The following ETV1 variants were observed in gnomAD, a reference collection of about 807,000 sequenced individuals.
The protein encoded by ETV1 is ETS translocation variant 1.
In ETV1, 27 loss-of-function variants were observed where a neutral mutation model predicts 62.3. The ratio of observed to expected loss-of-function variants is 0.43; its 90% CI spans 0.32 to 0.60. The LOEUF (loss-of-function observed/expected upper bound fraction) is 0.60. Among genes scored for constraint, ETV1 ranks in the 20% least tolerant of loss-of-function variants. ETV1 has a pLI of 0.06. For missense variants in ETV1, 605 were observed against 605.8 expected (o/e 1.00, Z 0.01); for synonymous variants, 222 against 199.6 (o/e 1.11, Z -0.94).
At chr7:13,935,683 T>C (rs149475829) in intron 8 of ETV1, 25 bp downstream of exon 8, 1,251 of 1,599,460 alleles carry the variant, frequency 7.8e-4, no homozygotes, top group Non-Finnish European at 9.8e-4. Flanking sequence ...AAACAGTTTC[T>C]AGAAAACTGG....
rs1378421503 is a variant in ETV1 at position 13,893,853 on chromosome 7, G to T, written c.*2013C>A. On this transcript the variant is annotated 3_prime_UTR_variant, in exon 14 of 14. Transcript: ENST00000430479. ...GGGAGAAAAGGTTCTGATTTTTAAG[G>T]CATAGTTTTCTTTTTTAGGCCCAAA... 1 of 233,064 alleles carries T rather than the reference G, an allele frequency of 4.3e-6. No homozygotes were observed. Among genetic ancestry groups the T allele is most frequent in the East Asian group, 6.1e-5 (1 of 16,444 alleles). The allele number at this position is 233,064 out of a possible 1,614,324, so 14.4% of individuals were successfully genotyped here. A position where few individuals can be genotyped will look rare whatever the true frequency, so the allele number is the denominator to read the frequency against.
Position 13,943,662 on chromosome 7 carries a change from A to G in ETV1, c.236-4416T>C, listed in dbSNP as rs367591820. 4.6e-5 allele frequency among the ~76,000 whole-genome samples: 7 copies of G among 152,338 alleles called. No individual in the cohort carries two copies. In the East Asian group the frequency reaches 1.2e-3, roughly 25 times the overall value. The stretch of plus-strand genomic sequence containing the variant: ...GATAAATAAATCATGGCATATGCAT[A>G]CAATGGAATGAATACAGGAATAAAA... On this transcript the variant is annotated intron_variant, in intron 6 of 13. Transcript: ENST00000430479.
chr7:13,920,937 A>G (rs1483873879), intron 9 of ETV1, among the ~76,000 whole-genome samples: 1 of 152,232 alleles, frequency 6.6e-6, no homozygotes, highest in Non-Finnish European at 1.5e-5. Flanking sequence ...TTAGGAAGAC[A>G]TCACTGTCAC....
At position 13,977,451 on chromosome 7, in the gene ETV1, C is replaced by A. The variant is rs1403337828; in HGVS notation, c.211G>T (p.Val71Leu). The A allele has an allele frequency of 1.3e-6, 2 of 1,547,464 alleles. No homozygotes were observed. The change falls in exon 6 of 14, where the codon GTA becomes TTA. Residue 71 changes from valine to leucine, a missense_variant. Coordinates refer to ENST00000430479, the MANE Select transcript of ETV1 (RefSeq NM_004956.5). ...CAACTTTCAGCCTGATAGTCTGGTA[C>A]AAACTGCTCATCATTGTCAGGTACC... ...AQVPDNDEQF[V>L]PDYQAESLAF... is the part of the protein sequence containing the mutation.
chr7:13,918,247 T>C (rs1784413334), intron 9 of ETV1, among the ~76,000 whole-genome samples: 1 of 152,150 alleles, frequency 6.6e-6, no homozygotes, highest in South Asian at 2.1e-4. Context: ...TACCCAGTAA[T>C]GGGATGGCTG....
intron 9 of ETV1, among the ~76,000 whole-genome samples, chr7:13,919,810 A>G (rs1203794243): frequency 6.6e-6 from 1 of 152,138 alleles, no homozygotes; most frequent in Non-Finnish European, 1.5e-5. Context: ...TTAGTTATGT[A>G]AACACTTTAA....
intron 3 of ETV1, 176 bp from the exon 4 acceptor site, chr7:13,988,349 G>A (rs1782740975): frequency 3.4e-6 from 2 of 588,258 alleles, no homozygotes; most frequent in Admixed American, 6.7e-5. Context: ...TCACTTATTT[G>A]ACAGTGAAAG....
At chr7:13,982,670 T>C (rs951859494) in intron 5 of ETV1, among the ~76,000 whole-genome samples, 1 of 152,038 alleles carries the variant, frequency 6.6e-6, no homozygotes, top group African/African-American at 2.4e-5. Context: ...TATAAGAGAT[T>C]ATATGGAGTT....
At position 13,942,176 on chromosome 7, in the gene ETV1, A is replaced by G. The variant is rs191356348; in HGVS notation, c.236-2930T>C. Among the ~76,000 whole-genome samples the G allele has an allele frequency of 9.1e-3, 1,380 of 151,774 alleles. 15 individuals carry two copies. The highest frequency in any genetic ancestry group is 0.031 in the African/African-American group (1,291 of 41,424). On this transcript the variant is annotated intron_variant, in intron 6 of 13. Coordinates refer to ENST00000430479, the MANE Select transcript of ETV1 (RefSeq NM_004956.5). ...GTAGCTGGGACTACAGGCGCCCGCCACCACGCCCGGCTAACTTTTTGGATT... is the reference window on the plus strand; with the variant it reads ...GTAGCTGGGACTACAGGCGCCCGCCGCCACGCCCGGCTAACTTTTTGGATT...
At position 13,941,258 on chromosome 7, in the gene ETV1, G is replaced by C. The variant is rs554586697; in HGVS notation, c.236-2012C>G. Among the ~76,000 whole-genome samples the C allele has an allele frequency of 7.2e-5, 11 of 152,272 alleles. No individual in the cohort carries two copies. The South Asian group carries it at 1.4e-3, about 20-fold the overall frequency. ...CAACTCTGCAATAAATGACATTTTA[G>C]TATAGACTAGCTATTAGATAATTTA... is the stretch of plus-strand genomic sequence containing the variant. On this transcript the variant is annotated intron_variant, in intron 6 of 13. Coordinates refer to ENST00000430479, the MANE Select transcript of ETV1 (RefSeq NM_004956.5).
At position 13,892,544 on chromosome 7, in the gene ETV1, A is replaced by T; in HGVS notation, c.*3322T>A. ...TCCTCCTCCGTGCGGTGTTCTGAAT[A>T]ACAGCCCTGCCCTCACCCCTTACAT... On this transcript the variant is annotated 3_prime_UTR_variant, in exon 14 of 14. Transcript: ENST00000430479. 1 of 232,960 alleles carries T rather than the reference A, an allele frequency of 4.3e-6. No individual in the cohort carries two copies. Among genetic ancestry groups the T allele is most frequent in the Non-Finnish European group, 8.5e-6 (1 of 117,894 alleles). 14.4% of individuals were successfully genotyped at this position (232,960 alleles called of 1,614,324 possible). A position where few individuals can be genotyped will look rare whatever the true frequency, so the allele number is the denominator to read the frequency against.
chr7:13,941,599 G>A (rs999574553), intron 6 of ETV1, among the ~76,000 whole-genome samples: 1 of 152,086 alleles, frequency 6.6e-6, no homozygotes, highest in African/African-American at 2.4e-5. Context: ...GGCCCAGTAC[G>A]GTGGCTCACA....
chr7:13,986,048 C>A, intron 5 of ETV1: 1 of 1,261,564 alleles, frequency 7.9e-7, no homozygotes, highest in Non-Finnish European at 1.1e-6. Context: ...ACATGGAAAA[C>A]ATTTTTAAAA....
chr7:13,911,847 T>C (rs1783600810), intron 9 of ETV1, among the ~76,000 whole-genome samples: 1 of 152,236 alleles, frequency 6.6e-6, no homozygotes, highest in Non-Finnish European at 1.5e-5. Context: ...TTTCCTGATA[T>C]CTGCATTTAT....
At chr7:13,961,845 G>C (rs754145590) in intron 6 of ETV1, among the ~76,000 whole-genome samples, 1 of 152,008 alleles carries the variant, frequency 6.6e-6, no homozygotes, top group African/African-American at 2.4e-5. Context: ...ACACTTCTTA[G>C]TTTCTTCTAA....
chr7:13,988,595 G>GAAAAAAAAAA (rs34468165), intron 3 of ETV1: 9 of 811,084 alleles, frequency 1.1e-5, no homozygotes, highest in East Asian at 6.5e-5. Context: ...GTAGAGAAAT[G>GAAAAAAAAAA]AAAAAAAAAA....
intron 9 of ETV1, among the ~76,000 whole-genome samples, chr7:13,916,366 G>C (rs1342227373): frequency 6.6e-6 from 1 of 152,098 alleles, no homozygotes; most frequent in Non-Finnish European, 1.5e-5. Flanking sequence ...GGTCAGACGT[G>C]GTGGCTCACG....
At chr7:13,909,775 C>T in intron 10 of ETV1, 75 bp from the exon 11 acceptor site, 1 of 1,273,750 alleles carries the variant, frequency 7.9e-7, no homozygotes, top group Non-Finnish European at 1.1e-6. Flanking sequence ...AACCATTTAA[C>T]ATAAAAATTG....
intron 6 of ETV1, among the ~76,000 whole-genome samples, chr7:13,976,949 T>C (rs1221795508): frequency 6.6e-6 from 1 of 152,156 alleles, no homozygotes; most frequent in African/African-American, 2.4e-5. Context: ...AGGTGACAAT[T>C]CATGAATGTA....
Sources: allele counts gnomAD v4.1 joint callset (sites outside exome capture counted in the v4.1 genomes callset), GRCh38; gene constraint gnomAD v4.1.1; transcripts MANE v1.5; gene names NCBI Gene and HGNC (gene_info 2026-07-23, HGNC 2026-07-21).